DLGAP1: variants seen among roughly 807,000 people sequenced by gnomAD.
DLGAP1 encodes disks large-associated protein 1.
In DLGAP1, 11 loss-of-function variants were observed where a neutral mutation model predicts 90.8. The observed-to-expected ratio is 0.12, with a 90% CI of 0.08 to 0.20. The LOEUF (loss-of-function observed/expected upper bound fraction) is 0.20. Among genes scored for constraint, DLGAP1 ranks in the 10% least tolerant of loss-of-function variants. DLGAP1 has a pLI of 1.00. For synonymous variants in DLGAP1, 558 were observed against 540.7 expected (o/e 1.03, Z -0.44); for missense variants, 1,050 against 1,333.8 (o/e 0.79, Z 3.31).
At chr18:4,369,781 A>T (rs753272735) in intron 1 of DLGAP1, among the ~76,000 whole-genome samples, 5 of 144,848 alleles carry the variant, frequency 3.5e-5, no homozygotes, top group Admixed American at 7.0e-5. Flanking sequence ...AAAACCTAGT[A>T]TAAATCTTAA....
chr18:3,968,945 C>T (rs913796070), intron 3 of DLGAP1, among the ~76,000 whole-genome samples: 19 of 151,976 alleles, frequency 1.3e-4, no homozygotes, highest in African/African-American at 4.1e-4. Flanking sequence ...AAAAATGACA[C>T]GGCATTCTTT....
intron 3 of DLGAP1, among the ~76,000 whole-genome samples, chr18:3,991,314 A>G (rs995008109): frequency 2.6e-5 from 4 of 152,128 alleles, no homozygotes; most frequent in Admixed American, 2.0e-4. Flanking sequence ...TAGAATTCTT[A>G]TATATTTGTA....
intron 9 of DLGAP1, among the ~76,000 whole-genome samples, chr18:3,563,537 T>G (rs1331727193): frequency 6.6e-6 from 1 of 151,964 alleles, no homozygotes; most frequent in Non-Finnish European, 1.5e-5. Flanking sequence ...TGGCACGATC[T>G]CGGCTCACCA....
Position 4,098,586 on chromosome 18 carries a change from A to G in DLGAP1, c.-159+52594T>C, listed in dbSNP as rs373876934. 2.6e-4 allele frequency among the ~76,000 whole-genome samples: 39 copies of G among 152,284 alleles called. 3 individuals are homozygous for G. The highest frequency in any genetic ancestry group is 9.2e-4 in the Admixed American group (14 of 15,294). Reference sequence around the variant, plus strand: ...TGGGAAATGGAGATTAAATAGGGGCAACGGAGAAAGACTAGTTTAAGATAT... The same window carrying G: ...TGGGAAATGGAGATTAAATAGGGGCGACGGAGAAAGACTAGTTTAAGATAT... On this transcript the variant is annotated intron_variant, in intron 2 of 12. Coordinates refer to ENST00000315677, the MANE Select transcript of DLGAP1 (RefSeq NM_004746.4).
chr18:3,749,052 C>T (rs1380660651), intron 5 of DLGAP1, among the ~76,000 whole-genome samples: 1 of 151,874 alleles, frequency 6.6e-6, no homozygotes, highest in African/African-American at 2.4e-5. Flanking sequence ...AAGGTAATTC[C>T]AATGGAAACT....
intron 7 of DLGAP1, among the ~76,000 whole-genome samples, chr18:3,630,996 T>A (rs2146182773): frequency 6.6e-6 from 1 of 152,314 alleles, no homozygotes; most frequent in Middle Eastern, 3.4e-3. Context: ...TTATTTTTTT[T>A]ATGAGACTGA....
intron 4 of DLGAP1, among the ~76,000 whole-genome samples, chr18:3,836,541 G>A (rs2068393438): frequency 6.6e-6 from 1 of 152,284 alleles, no homozygotes; most frequent in African/African-American, 2.4e-5. Context: ...GCAGGTGGAT[G>A]AGATTTGTCC....
chr18:4,207,089 T>C (rs548482849), intron 1 of DLGAP1, among the ~76,000 whole-genome samples: 20 of 152,216 alleles, frequency 1.3e-4, no homozygotes, highest in Non-Finnish European at 2.5e-4. Flanking sequence ...TCCATCATCA[T>C]AGAAGAAAAG....
intron 7 of DLGAP1, among the ~76,000 whole-genome samples, chr18:3,683,836 CTTA>C (rs2060606278): frequency 6.6e-6 from 1 of 152,126 alleles, no homozygotes; most frequent in African/African-American, 2.4e-5. Context: ...ATTGCGATCT[CTTA>C]CTAGAGGTAT....
Position 3,686,778 on chromosome 18 carries a change from G to A in DLGAP1, c.1591+42357C>T, listed in dbSNP as rs145400986. Among the ~76,000 whole-genome samples, 446 of 152,300 alleles carry A rather than the reference G, an allele frequency of 2.9e-3. 1 individual carries two copies. Among genetic ancestry groups the A allele is most frequent in the African/African-American group, 0.01 (429 of 41,564 alleles). On this transcript the variant is annotated intron_variant, in intron 7 of 12. Coordinates refer to ENST00000315677, the MANE Select transcript of DLGAP1 (RefSeq NM_004746.4). ...ATAGAACAGATGTTCTAGAACAGAT[G>A]TCAGAGGCTCTGTGGGAGGCAGAAT... is the stretch of plus-strand genomic sequence containing the variant.
chr18:4,119,468 TC>T (rs959346459), intron 2 of DLGAP1, among the ~76,000 whole-genome samples: 6 of 152,138 alleles, frequency 3.9e-5, no homozygotes, highest in African/African-American at 1.4e-4. Context: ...TAATCCTCAC[TC>T]AGATCGATCT....
chr18:3,559,624 CTTTTT>C (rs34093132), intron 9 of DLGAP1, among the ~76,000 whole-genome samples: 7 of 129,896 alleles, frequency 5.4e-5, no homozygotes, highest in Admixed American at 1.5e-4. Flanking sequence ...ATCCAATCCA[CTTTTT>C]TTTTTTTTTT....
At chr18:4,053,172 T>C (rs138976561) in intron 2 of DLGAP1, among the ~76,000 whole-genome samples, 1 of 152,336 alleles carries the variant, frequency 6.6e-6, no homozygotes, top group East Asian at 1.9e-4. Flanking sequence ...ACACTGCTAA[T>C]AAAGGCATAC....
intron 4 of DLGAP1, among the ~76,000 whole-genome samples, chr18:3,873,611 G>C (rs927371025): frequency 1.3e-5 from 2 of 151,800 alleles, no homozygotes; most frequent in Non-Finnish European, 2.9e-5. Context: ...ACTCAGCCAG[G>C]GAAAGAAAAC....
At chr18:3,963,527 G>A (rs2073250940) in intron 3 of DLGAP1, among the ~76,000 whole-genome samples, 1 of 150,294 alleles carries the variant, frequency 6.7e-6, no homozygotes, top group African/African-American at 2.5e-5. Context: ...CCTGGGCTGT[G>A]GTTTGTTTTT....
At chr18:4,048,545 C>G (rs1476901136) in intron 2 of DLGAP1, among the ~76,000 whole-genome samples, 1 of 152,162 alleles carries the variant, frequency 6.6e-6, no homozygotes, top group East Asian at 1.9e-4. Context: ...TTAAACAAGA[C>G]TTAAGGAGGG....
At chr18:3,964,710 T>C (rs1195608264) in intron 3 of DLGAP1, among the ~76,000 whole-genome samples, 4 of 152,202 alleles carry the variant, frequency 2.6e-5, no homozygotes, top group Non-Finnish European at 5.9e-5. Context: ...TGATACATGG[T>C]AGCCACTTAG....
At chr18:3,776,348 T>C (rs2064936801) in intron 5 of DLGAP1, among the ~76,000 whole-genome samples, 1 of 152,198 alleles carries the variant, frequency 6.6e-6, no homozygotes, top group Admixed American at 6.5e-5. Context: ...TGCTAGCAAG[T>C]CAGGAGGAGT....
At chr18:3,706,482 C>T (rs376673638) in intron 7 of DLGAP1, among the ~76,000 whole-genome samples, 3 of 152,280 alleles carry the variant, frequency 2.0e-5, no homozygotes, top group East Asian at 1.9e-4. Flanking sequence ...CTGCAAAGAG[C>T]AAGCATCAAC....
Sources: allele counts gnomAD v4.1 joint callset (sites outside exome capture counted in the v4.1 genomes callset), GRCh38; gene constraint gnomAD v4.1.1; transcripts MANE v1.5; gene names NCBI Gene and HGNC (gene_info 2026-07-23, HGNC 2026-07-21).